Variants in MAPK10 observed in about 807,000 individuals in gnomAD.
MAPK10 encodes the protein JNK3 alpha protein kinase.
MAPK10 carries 25 observed loss-of-function variants against 59.3 expected under a neutral mutation model. The ratio of observed to expected loss-of-function variants is 0.42; its 90% confidence interval spans 0.31 to 0.59. The LOEUF (loss-of-function observed/expected upper bound fraction) is 0.59, where lower values mean the gene tolerates loss of function less well. MAPK10 is among the 20% of genes least tolerant of loss of function. MAPK10 has a pLI of 0.15. For synonymous variants in MAPK10, 190 were observed against 200.5 expected (o/e 0.95, Z 0.44); for missense variants, 351 against 568.9 (o/e 0.62, Z 3.90).
intron 1 of MAPK10, among the ~76,000 whole-genome samples, chr4:86,577,216 TAGG>T (rs1761967438): frequency 6.6e-6 from 1 of 151,724 alleles, no homozygotes; most frequent in Non-Finnish European, 1.5e-5. Context: ...GAGGCTGAGG[TAGG>T]AGGATTGCTT....
intron 1 of MAPK10, among the ~76,000 whole-genome samples, chr4:86,447,245 G>A (rs1750153143): frequency 6.6e-6 from 1 of 152,100 alleles, no homozygotes; most frequent in African/African-American, 2.4e-5. Context: ...GGTTTTTTAA[G>A]GGGCTCTTCC....
chr4:86,581,917 A>ATATATATATAT (rs1762328059), intron 1 of MAPK10, among the ~76,000 whole-genome samples: 14 of 59,116 alleles, frequency 2.4e-4, no homozygotes, highest in Non-Finnish European at 5.7e-4. Context: ...ATATATATAT[A>ATATATATATAT]TATATATATA....
chr4:86,552,109 A>C (rs1256484663), intron 1 of MAPK10, among the ~76,000 whole-genome samples: 3 of 151,852 alleles, frequency 2.0e-5, no homozygotes, highest in Non-Finnish European at 4.4e-5. Flanking sequence ...AAAATATAAA[A>C]GGGGGGCCAG....
intron 11 of MAPK10, among the ~76,000 whole-genome samples, chr4:86,055,560 T>C (rs1467180647): frequency 6.7e-6 from 1 of 149,874 alleles, no homozygotes; most frequent in Non-Finnish European, 1.5e-5. Flanking sequence ...TGGGGAAACT[T>C]ACTAAAACTG....
chr4:86,038,845 T>G (rs986218953), intron 11 of MAPK10, among the ~76,000 whole-genome samples: 1 of 152,172 alleles, frequency 6.6e-6, no homozygotes, highest in Non-Finnish European at 1.5e-5. Flanking sequence ...TGCACAATTA[T>G]CAAAAGAATT....
intron 11 of MAPK10, among the ~76,000 whole-genome samples, chr4:86,060,523 C>A (rs1316866014): frequency 1.3e-5 from 2 of 152,096 alleles, no homozygotes; most frequent in Admixed American, 1.3e-4. Context: ...ATCTGTAGCT[C>A]CACTCTCAGT....
intron 3 of MAPK10, among the ~76,000 whole-genome samples, chr4:86,184,444 T>C (rs1360785734): frequency 6.6e-6 from 1 of 152,316 alleles, no homozygotes; most frequent in South Asian, 2.1e-4. Context: ...TGCTACTGAT[T>C]ACATAAGCAA....
intron 3 of MAPK10, among the ~76,000 whole-genome samples, chr4:86,184,060 A>C (rs986261755): frequency 1.3e-5 from 2 of 152,034 alleles, no homozygotes; most frequent in Admixed American, 1.3e-4. Flanking sequence ...AGATGAGTAG[A>C]TTGCAAAAAT....
intron 1 of MAPK10, among the ~76,000 whole-genome samples, chr4:86,544,906 C>A (rs1759025865): frequency 1.4e-5 from 2 of 146,416 alleles, no homozygotes; most frequent in South Asian, 2.2e-4. Context: ...ACTATTTCAA[C>A]AGGAAACAAA....
intron 1 of MAPK10, among the ~76,000 whole-genome samples, chr4:86,554,539 C>A (rs2149101571): frequency 6.6e-6 from 1 of 152,288 alleles, no homozygotes; most frequent in South Asian, 2.1e-4. Context: ...CACCCACACC[C>A]AAATTGTGTC....
At chr4:86,557,840 T>C (rs541128782) in intron 1 of MAPK10, among the ~76,000 whole-genome samples, 2 of 152,266 alleles carry the variant, frequency 1.3e-5, no homozygotes, top group African/African-American at 2.4e-5. Flanking sequence ...TGTTTTTATA[T>C]ACACTCCTTC....
intron 13 of MAPK10, chr4:86,026,296 C>T (rs2148907898): frequency 6.6e-6 from 1 of 152,298 alleles, no homozygotes; most frequent in Non-Finnish European, 1.5e-5. Flanking sequence ...CGTACTATAA[C>T]AAATGCTTTT....
intron 3 of MAPK10, among the ~76,000 whole-genome samples, chr4:86,185,144 C>T (rs2077882566): frequency 6.6e-6 from 1 of 152,092 alleles, no homozygotes; most frequent in South Asian, 2.1e-4. Flanking sequence ...CTCTTGTGAG[C>T]CTGTGTGAAC....
chr4:86,230,701 C>T (rs1278491734), intron 2 of MAPK10, among the ~76,000 whole-genome samples: 1 of 151,942 alleles, frequency 6.6e-6, no homozygotes, highest in Non-Finnish European at 1.5e-5. Context: ...TTAAAACTAC[C>T]CTTGATTTAT....
intron 11 of MAPK10, among the ~76,000 whole-genome samples, chr4:86,036,886 C>G (rs922343837): frequency 3.3e-5 from 5 of 152,146 alleles, no homozygotes; most frequent in Admixed American, 6.5e-5. Context: ...AATGTTGTGA[C>G]ATGGCATGTT....
At chr4:86,426,440 C>A (rs1338826117) in intron 1 of MAPK10, among the ~76,000 whole-genome samples, 1 of 152,100 alleles carries the variant, frequency 6.6e-6, no homozygotes, top group Non-Finnish European at 1.5e-5. Flanking sequence ...CTGGCCTTTT[C>A]AAGTTTTCAG....
intron 1 of MAPK10, among the ~76,000 whole-genome samples, chr4:86,549,479 A>T (rs1759582159): frequency 6.6e-6 from 1 of 152,204 alleles, no homozygotes; most frequent in South Asian, 2.1e-4. Flanking sequence ...TAAAAACACC[A>T]TATAAAAAGA....
intron 1 of MAPK10, among the ~76,000 whole-genome samples, chr4:86,586,805 C>T (rs372972991): frequency 1.4e-4 from 21 of 152,034 alleles, no homozygotes; most frequent in African/African-American, 4.3e-4. Context: ...TAGGGGAAAA[C>T]GGGAAATAAG....
intron 10 of MAPK10, among the ~76,000 whole-genome samples, chr4:86,066,993 T>G (rs1340023441): frequency 6.6e-6 from 1 of 152,132 alleles, no homozygotes; most frequent in East Asian, 1.9e-4. Context: ...TATATTAAGA[T>G]TATTTATAAT....
Sources: gnomAD v4.1 joint callset for allele counts (sites outside exome capture counted in the v4.1 genomes callset) on GRCh38, gnomAD v4.1.1 for gene constraint, MANE v1.5 for transcripts, NCBI Gene and HGNC (gene_info 2026-07-23, HGNC 2026-07-21) for gene names.